Variants in CSMD1 observed in about 807,000 individuals in gnomAD.
CSMD1 encodes CUB and Sushi multiple domains 1, also known as CUB and sushi domain-containing protein 1.
CSMD1 carries 213 observed loss-of-function variants against 417.5 expected under a neutral mutation model. That is an observed-to-expected ratio of 0.51 (90% CI 0.46 to 0.57). The LOEUF is 0.57. CSMD1 is among the 20% of genes least tolerant of loss of function. The pLI is 0.00. For missense variants in CSMD1, 6,923 were observed against 4,529.7 expected, an observed-to-expected ratio of 1.53 and a Z score of -15.17; for synonymous variants, 2,862 against 1,736.8, an observed-to-expected ratio of 1.65 and a Z score of -16.11.
chr8:3,882,234 A>G (rs1471734232), intron 5 of CSMD1, among the ~76,000 whole-genome samples: 1 of 152,206 alleles, frequency 6.6e-6, no homozygotes, highest in Non-Finnish European at 1.5e-5. Context: ...AAAAAAAGTA[A>G]TTGATTTGAA....
chr8:4,441,094 G>GTTTTTTTTTTTTTTTTT (rs1563176229), intron 2 of CSMD1, among the ~76,000 whole-genome samples: 4 of 27,098 alleles, frequency 1.5e-4, no homozygotes, highest in South Asian at 1.8e-3. Flanking sequence ...TTAATCAAAA[G>GTTTTTTTTTTTTTTTTT]GTTTTTTTTT....
chr8:4,649,480 G>T (rs1803745410), intron 1 of CSMD1, among the ~76,000 whole-genome samples: 1 of 152,180 alleles, frequency 6.6e-6, no homozygotes, highest in South Asian at 2.1e-4. Flanking sequence ...ACAAAGCAAA[G>T]AAATGAGGGG....
intron 4 of CSMD1, among the ~76,000 whole-genome samples, chr8:4,004,847 C>A (rs1162719924): frequency 6.6e-6 from 1 of 152,140 alleles, no homozygotes; most frequent in Admixed American, 6.6e-5. Context: ...CGGGTTCACG[C>A]CATTCTCCTG....
At chr8:3,226,419 C>T (rs546948811) in intron 27 of CSMD1, among the ~76,000 whole-genome samples, 1 of 151,872 alleles carries the variant, frequency 6.6e-6, no homozygotes, top group African/African-American at 2.4e-5. Flanking sequence ...CTAGTCTCTA[C>T]TAAAAATACA....
intron 2 of CSMD1, among the ~76,000 whole-genome samples, chr8:4,606,531 T>C (rs982699141): frequency 6.6e-6 from 1 of 152,154 alleles, no homozygotes; most frequent in Non-Finnish European, 1.5e-5. Flanking sequence ...CAGCGGCCAA[T>C]GGCAGCAGGG....
At chr8:4,844,317 G>T (rs10095749) in intron 1 of CSMD1, among the ~76,000 whole-genome samples, 4 of 152,064 alleles carry the variant, frequency 2.6e-5, no homozygotes, top group Admixed American at 2.6e-4. Flanking sequence ...AGATAGTGCC[G>T]TTATTGATAC....
chr8:3,880,956 G>C (rs913812495), intron 5 of CSMD1, among the ~76,000 whole-genome samples: 1 of 152,046 alleles, frequency 6.6e-6, no homozygotes, highest in African/African-American at 2.4e-5. Flanking sequence ...GTATAGAAAA[G>C]ACAACTGCAT....
chr8:3,993,248 TAAC>T (rs1281832471), intron 5 of CSMD1, among the ~76,000 whole-genome samples: 1 of 152,156 alleles, frequency 6.6e-6, no homozygotes, highest in Non-Finnish European at 1.5e-5. Context: ...TTCAAAATAA[TAAC>T]AACATGAGGA....
At chr8:4,399,563 C>T (rs576149340) in intron 3 of CSMD1, among the ~76,000 whole-genome samples, 1 of 152,036 alleles carries the variant, frequency 6.6e-6, no homozygotes, top group Non-Finnish European at 1.5e-5. Flanking sequence ...GGCATAATCC[C>T]CCTTTTTTGT....
chr8:3,315,437 A>AGTGTGTGTGTGTGTGTGT (rs35460301), intron 23 of CSMD1, among the ~76,000 whole-genome samples: 1,516 of 124,150 alleles, frequency 0.012, 24 homozygotes, highest in African/African-American at 0.038. Flanking sequence ...AGGTGAAGTG[A>AGTGTGTGTGTGTGTGTGT]GTGTGTGTGT....
At chr8:4,561,177 C>G (rs1478300435) in intron 2 of CSMD1, among the ~76,000 whole-genome samples, 1 of 152,178 alleles carries the variant, frequency 6.6e-6, no homozygotes, top group Non-Finnish European at 1.5e-5. Context: ...CAAGACCATC[C>G]TGGCCAACCT....
intron 26 of CSMD1, among the ~76,000 whole-genome samples, chr8:3,271,295 A>G (rs1299752529): frequency 2.6e-5 from 4 of 152,110 alleles, no homozygotes; most frequent in African/African-American, 7.2e-5. Context: ...TCCATGGTGT[A>G]TATGTGCCAC....
intron 1 of CSMD1, among the ~76,000 whole-genome samples, chr8:4,867,192 T>C (rs1350303): frequency 0.96 from 145,421 of 152,108 alleles, 69,711 homozygotes; most frequent in East Asian, 1. Flanking sequence ...TAAAAAATGG[T>C]GCATCGTTCC....
At chr8:3,551,362 T>C (rs931761559) in intron 10 of CSMD1, among the ~76,000 whole-genome samples, 4 of 152,110 alleles carry the variant, frequency 2.6e-5, no homozygotes, top group East Asian at 3.9e-4. Context: ...TTGTGAGTCA[T>C]TGGTTTTAAG....
intron 3 of CSMD1, among the ~76,000 whole-genome samples, chr8:4,157,510 G>A (rs776771341): frequency 6.6e-6 from 1 of 152,014 alleles, no homozygotes; most frequent in African/African-American, 2.4e-5. Flanking sequence ...GAGGCTCAAA[G>A]AACTGGTTAA....
At chr8:3,537,017 T>A (rs1585323735) in intron 10 of CSMD1, among the ~76,000 whole-genome samples, 2 of 152,180 alleles carry the variant, frequency 1.3e-5, no homozygotes, top group East Asian at 3.9e-4. Flanking sequence ...TTCTTTTCTT[T>A]TTTTTGAGAT....
chr8:3,586,944 T>C (rs1006609146), intron 8 of CSMD1, among the ~76,000 whole-genome samples: 14 of 152,126 alleles, frequency 9.2e-5, no homozygotes, highest in Non-Finnish European at 1.5e-4. Flanking sequence ...GGACTACAGA[T>C]GTGCACAACT....
At chr8:4,757,796 TA>T (rs1445731054) in intron 1 of CSMD1, among the ~76,000 whole-genome samples, 1 of 151,710 alleles carries the variant, frequency 6.6e-6, no homozygotes, top group Non-Finnish European at 1.5e-5. Context: ...CTGTTTCTAC[TA>T]AAAATAGGAA....
chr8:3,418,729 T>A (rs1056679012), intron 12 of CSMD1, among the ~76,000 whole-genome samples: 1 of 152,122 alleles, frequency 6.6e-6, no homozygotes, highest in African/African-American at 2.4e-5. Context: ...GACATCTCCA[T>A]TGAATTTCCA....
Sources: allele counts gnomAD v4.1 joint callset (sites outside exome capture counted in the v4.1 genomes callset), GRCh38; gene constraint gnomAD v4.1.1; transcripts MANE v1.5; gene names NCBI Gene and HGNC (gene_info 2026-07-23, HGNC 2026-07-21).